The following CFAP61 variants were observed in gnomAD, a reference collection of about 807,000 sequenced individuals.
CFAP61 encodes cilia- and flagella-associated protein 61.
CFAP61 carries 107 observed loss-of-function variants against 135.6 expected under a neutral mutation model. The observed-to-expected ratio is 0.79, with a 90% CI of 0.67 to 0.93. CFAP61 has a LOEUF of 0.93. Among genes scored for constraint, CFAP61 ranks in the 40% least tolerant of loss-of-function variants. CFAP61 has a pLI of 0.00. For synonymous variants in CFAP61, 575 were observed against 578.5 expected, an observed-to-expected ratio of 0.99 and a Z score of 0.09; for missense variants, 1,507 against 1,556.2, an observed-to-expected ratio of 0.97 and a Z score of 0.53.
intron 18 of CFAP61, among the ~76,000 whole-genome samples, chr20:20,238,643 GA>G (rs1176183422): frequency 1.3e-5 from 2 of 152,214 alleles, no homozygotes; most frequent in African/African-American, 4.8e-5. Flanking sequence ...CTACTGCCCA[GA>G]AGGGTAAGCA....
At chr20:20,262,366 C>T (rs892043734) in intron 20 of CFAP61, among the ~76,000 whole-genome samples, 4 of 152,176 alleles carry the variant, frequency 2.6e-5, no homozygotes, top group Non-Finnish European at 1.5e-5. Flanking sequence ...CCAGCCACCA[C>T]GTTATGAGGA....
At chr20:20,242,741 C>G in intron 18 of CFAP61, among the ~76,000 whole-genome samples, 1 of 152,192 alleles carries the variant, frequency 6.6e-6, no homozygotes, top group Non-Finnish European at 1.5e-5. Context: ...AAATATAAAG[C>G]AGTTTTGCTC....
intron 9 of CFAP61, among the ~76,000 whole-genome samples, chr20:20,144,195 A>G (rs1453146222): frequency 2.0e-5 from 3 of 152,236 alleles, no homozygotes; most frequent in Admixed American, 2.0e-4. Context: ...AATGTGTGGA[A>G]TCCAATAAAG....
At chr20:20,162,880 G>A (rs1359515527) in intron 10 of CFAP61, among the ~76,000 whole-genome samples, 3 of 152,090 alleles carry the variant, frequency 2.0e-5, no homozygotes, top group Non-Finnish European at 4.4e-5. Flanking sequence ...ATTCATATTA[G>A]TGTAAATACT....
chr20:20,084,997 C>A, intron 6 of CFAP61: 1 of 441,038 alleles, frequency 2.3e-6, no homozygotes, highest in Non-Finnish European at 3.0e-6. Context: ...TAATTGATGA[C>A]GTTAACAAGC....
At chr20:20,295,994 C>A (rs1233575396) in intron 24 of CFAP61, among the ~76,000 whole-genome samples, 1 of 86,244 alleles carries the variant, frequency 1.2e-5, no homozygotes, top group Non-Finnish European at 2.6e-5. Context: ...TGCTTCCCTC[C>A]TTCCTTCCTT....
intron 13 of CFAP61, among the ~76,000 whole-genome samples, chr20:20,179,157 G>A (rs973241975): frequency 3.3e-5 from 5 of 152,132 alleles, no homozygotes; most frequent in Non-Finnish European, 5.9e-5. Flanking sequence ...AGCTCCTTAA[G>A]CTGAGAAACA....
intron 8 of CFAP61, among the ~76,000 whole-genome samples, chr20:20,100,399 C>T (rs1402994512): frequency 1.3e-5 from 2 of 152,150 alleles, no homozygotes; most frequent in African/African-American, 2.4e-5. Flanking sequence ...TCTTGAACTC[C>T]TGACCTCAGG....
intron 8 of CFAP61, among the ~76,000 whole-genome samples, chr20:20,124,605 G>T (rs1012213044): frequency 6.6e-6 from 1 of 151,774 alleles, no homozygotes; most frequent in African/African-American, 2.4e-5. Flanking sequence ...GATCATGGTG[G>T]ATTATCTTTT....
intron 25 of CFAP61, among the ~76,000 whole-genome samples, chr20:20,313,500 G>C (rs1000852100): frequency 3.9e-5 from 6 of 152,280 alleles, no homozygotes; most frequent in Admixed American, 2.6e-4. Context: ...TGGTCATTCT[G>C]TCCAAGGCCC....
chr20:20,277,585 G>A, intron 22 of CFAP61, 127 bp downstream of exon 22: 4 of 1,008,792 alleles, frequency 4.0e-6, no homozygotes. Flanking sequence ...TTTTCTGTGT[G>A]TTCAGATTAC....
chr20:20,085,068 G>A (rs906601270), intron 6 of CFAP61: 16 of 981,100 alleles, frequency 1.6e-5, no homozygotes, highest in Middle Eastern at 5.2e-4. Context: ...TTTGCTTTTC[G>A]CTCAGAGAAT....
chr20:20,227,761 G>A (rs188134462), intron 17 of CFAP61, among the ~76,000 whole-genome samples: 15 of 152,290 alleles, frequency 9.8e-5, no homozygotes, highest in South Asian at 8.3e-4. Flanking sequence ...ACAAGACACC[G>A]CGTTAAGTAA....
intron 21 of CFAP61, among the ~76,000 whole-genome samples, chr20:20,269,136 T>TAC (rs1329227544): frequency 1.2e-5 from 1 of 81,236 alleles, no homozygotes; most frequent in African/African-American, 4.3e-5. Context: ...TATATATATA[T>TAC]ATATATATAT....
chr20:20,337,502 A>G (rs139200469), intron 25 of CFAP61, among the ~76,000 whole-genome samples: 1,125 of 5,590 alleles, frequency 0.2, 10 homozygotes, highest in Non-Finnish European at 0.32. Context: ...AGATGGGTGG[A>G]TGGATAAATG....
intron 13 of CFAP61, among the ~76,000 whole-genome samples, chr20:20,180,917 A>T (rs1444513722): frequency 1.1e-4 from 17 of 152,102 alleles, no homozygotes; most frequent in Non-Finnish European, 1.0e-4. Flanking sequence ...AGAAAACCAA[A>T]TACCACACAT....
Position 20,101,302 on chromosome 20 carries a change from T to A in CFAP61, c.859+2488T>A, listed in dbSNP as rs184795852. On this transcript the variant is annotated intron_variant, in intron 8 of 26. Coordinates refer to ENST00000245957, the MANE Select transcript of CFAP61 (RefSeq NM_015585.4). ...AATGAGCACACATCACTGTGTCTCATATCTTGTATTTTGTTTAGTGCTTTT... is the reference window on the plus strand; with the variant it reads ...AATGAGCACACATCACTGTGTCTCAAATCTTGTATTTTGTTTAGTGCTTTT... 9.8e-5 allele frequency among the ~76,000 whole-genome samples: 15 copies of A among 152,372 alleles called. No individual in the cohort carries two copies. In the East Asian group the frequency reaches 1.9e-3, roughly 20 times the overall value.
At chr20:20,079,801 C>G (rs2046309786) in intron 6 of CFAP61, among the ~76,000 whole-genome samples, 1 of 152,054 alleles carries the variant, frequency 6.6e-6, no homozygotes, top group South Asian at 2.1e-4. Context: ...CTAATGCAAG[C>G]CAAAGGCAGT....
At chr20:20,123,957 A>G (rs1056405898) in intron 8 of CFAP61, among the ~76,000 whole-genome samples, 2 of 105,316 alleles carry the variant, frequency 1.9e-5, no homozygotes, top group African/African-American at 3.6e-5. Context: ...CTTCTTGGTT[A>G]TGTATATTCC....
Sources: allele counts gnomAD v4.1 joint callset (sites outside exome capture counted in the v4.1 genomes callset), GRCh38; gene constraint gnomAD v4.1.1; transcripts MANE v1.5; gene names NCBI Gene and HGNC (gene_info 2026-07-23, HGNC 2026-07-21).